Variants in SLC15A1 observed in about 807,000 individuals in gnomAD.
SLC15A1 encodes the protein Caco-2 oligopeptide transporter.
Under a neutral mutation model 92.9 loss-of-function variants are expected in SLC15A1, and 83 were observed. The observed-to-expected ratio is 0.89, with a 90% CI of 0.75 to 1.07. SLC15A1 has a LOEUF of 1.07. SLC15A1 is among the 50% of genes least tolerant of loss of function. The pLI, the probability that SLC15A1 is intolerant of heterozygous loss-of-function variation, is 0.00. For missense variants in SLC15A1, 857 were observed against 880.1 expected (o/e 0.97, Z 0.33); for synonymous variants, 322 against 318.2 (o/e 1.01, Z -0.13).
intron 18 of SLC15A1, among the ~76,000 whole-genome samples, chr13:98,693,874 A>G (rs1197653432): frequency 2.0e-5 from 3 of 152,246 alleles, no homozygotes; most frequent in African/African-American, 7.2e-5. Flanking sequence ...AGAGTCACAC[A>G]ATACTGGCTT....
intron 1 of SLC15A1, among the ~76,000 whole-genome samples, chr13:98,737,636 C>T (rs112559570): frequency 0.012 from 1,803 of 152,264 alleles, 21 homozygotes; most frequent in South Asian, 0.032. Flanking sequence ...TGCTGCCATG[C>T]TTCCTGTACA....
In SLC15A1 at chr13:98,684,758, A is replaced by T; in HGVS notation, c.2093T>A (p.Phe698Tyr). Residue 698 changes from phenylalanine (F) to tyrosine (Y), a missense_variant, in exon 23 of 23, where the codon TTC becomes TAC. Coordinates refer to ENST00000376503, the MANE Select transcript of SLC15A1 (RefSeq NM_005073.4). Reference protein sequence around the residue: ...KNRLEKSNPYFMSGANSQKQM With the variant: ...KNRLEKSNPYYMSGANSQKQM ...TTTCTGTGAATTGGCCCCTGACATG[A>T]AATATGGGTTACTCTTTTCCAGTCT... The T allele has an allele frequency of 6.2e-7, 1 of 1,613,902 alleles. No homozygotes were observed. The highest frequency in any genetic ancestry group is 8.5e-7 in the Non-Finnish European group (1 of 1,179,972).
intron 1 of SLC15A1, among the ~76,000 whole-genome samples, chr13:98,748,901 T>C (rs79530334): frequency 0.019 from 2,900 of 152,308 alleles, 98 homozygotes; most frequent in African/African-American, 0.066. Flanking sequence ...CCTGAGACTC[T>C]AGGCAAGAGG....
chr13:98,712,001 C>T (rs760823218), intron 10 of SLC15A1, 58 bp from the exon 11 acceptor site: 62 of 1,278,130 alleles, frequency 4.9e-5, no homozygotes, highest in Middle Eastern at 2.6e-4. Context: ...GTGCCACTCA[C>T]GGCTTACAGG....
At chr13:98,738,496 T>C (rs569268809) in intron 1 of SLC15A1, among the ~76,000 whole-genome samples, 63 of 152,382 alleles carry the variant, frequency 4.1e-4, no homozygotes, top group African/African-American at 1.3e-3. Context: ...CTCAGGACAC[T>C]GCTTCTTACA....
At chr13:98,742,524 G>A (rs756663793) in intron 1 of SLC15A1, among the ~76,000 whole-genome samples, 20 of 152,260 alleles carry the variant, frequency 1.3e-4, no homozygotes, top group African/African-American at 3.4e-4. Context: ...CTCAAACCGC[G>A]TGGCTTACAA....
intron 1 of SLC15A1, among the ~76,000 whole-genome samples, chr13:98,729,927 T>TA (rs1408565912): frequency 6.6e-6 from 1 of 151,912 alleles, no homozygotes; most frequent in East Asian, 2.0e-4. Context: ...TTTGCCCACT[T>TA]AAGAGCATTT....
chr13:98,721,739 C>T (rs549209715), intron 6 of SLC15A1, 65 bp downstream of exon 6: 58 of 1,476,330 alleles, frequency 3.9e-5, no homozygotes, highest in East Asian at 1.6e-4. Context: ...ACTTTGTGCC[C>T]GTGGCCTCTG....
At position 98,708,693 on chromosome 13, in the gene SLC15A1, T is replaced by C; in HGVS notation, c.1142A>G (p.Glu381Gly). 6.2e-7 allele frequency: 1 copy of C among 1,613,186 alleles called. No homozygotes were observed. Among genetic ancestry groups the C allele is most frequent in the Non-Finnish European group, 8.5e-7 (1 of 1,179,678 alleles). ...AFVVAAIVQV[E>G]IDKTLPVFPK... Reference sequence around the variant, plus strand: ...AACCAGGGGACAACTCACATCGATTTCCACCTGCACGATGGCAGCCACCAC... The same window carrying C: ...AACCAGGGGACAACTCACATCGATTCCCACCTGCACGATGGCAGCCACCAC... Residue 381 changes from glutamate to glycine, a missense_variant, in exon 15 of 23, where the codon GAA (glutamate) becomes GGA (glycine). Glu to Gly is a moderately conservative substitution (Grantham distance 98). Coordinates refer to ENST00000376503, the MANE Select transcript of SLC15A1 (RefSeq NM_005073.4).
Position 98,719,250 on chromosome 13 carries a change from C to T in SLC15A1, c.627G>A (p.Met209Ile), listed in dbSNP as rs768420060. 4.3e-6 allele frequency: 7 copies of T among 1,613,254 alleles called. No homozygotes were observed. The Admixed American group carries it at 1.2e-4, about 27-fold the overall frequency. Residue 209 changes from methionine to isoleucine, a missense_variant, in exon 8 of 23, where the codon ATG becomes ATA. By Grantham distance (10) the Met-to-Ile change is conservative. Transcript: ENST00000376503. Reference protein sequence around the residue: ...PLAFGVPAALMAVALIVFVLG... With the variant: ...PLAFGVPAALIAVALIVFVLG... ...ATTTCCACTTACTCAGGGCTACAGCCATGAGAGCAGCAGGAACCCCAAAGG... is the reference window on the plus strand; with the variant it reads ...ATTTCCACTTACTCAGGGCTACAGCTATGAGAGCAGCAGGAACCCCAAAGG...
chr13:98,704,253 T>C (rs1181651763), intron 17 of SLC15A1, 36 bp downstream of exon 17: 2 of 1,530,244 alleles, frequency 1.3e-6, no homozygotes, highest in Non-Finnish European at 1.7e-6. Flanking sequence ...GTATCACAAA[T>C]AGCAAAGAGT....
At chr13:98,724,879 T>C (rs2088286636) in intron 4 of SLC15A1, among the ~76,000 whole-genome samples, 4 of 152,224 alleles carry the variant, frequency 2.6e-5, no homozygotes, top group Admixed American at 2.0e-4. Flanking sequence ...GTAGTGATTC[T>C]TCTTTCTTCT....
intron 1 of SLC15A1, among the ~76,000 whole-genome samples, chr13:98,735,013 T>G (rs930536151): frequency 2.8e-4 from 42 of 152,212 alleles, no homozygotes; most frequent in African/African-American, 9.9e-4. Context: ...TACCAAAGTC[T>G]GGCAGAGACA....
At chr13:98,707,443 A>T (rs1040737515) in intron 15 of SLC15A1, among the ~76,000 whole-genome samples, 1 of 152,244 alleles carries the variant, frequency 6.6e-6, no homozygotes, top group Non-Finnish European at 1.5e-5. Flanking sequence ...GTGCTAGAGT[A>T]GTCAGATTCA....
chr13:98,738,091 G>T (rs1316112736), intron 1 of SLC15A1, among the ~76,000 whole-genome samples: 2 of 152,210 alleles, frequency 1.3e-5, no homozygotes, highest in East Asian at 1.9e-4. Flanking sequence ...TCTGGTAGAA[G>T]AAATTTCTAA....
At chr13:98,742,615 CA>C (rs200179023) in intron 1 of SLC15A1, among the ~76,000 whole-genome samples, 10,074 of 152,124 alleles carry the variant, frequency 0.066, 1,107 homozygotes, top group African/African-American at 0.23. Flanking sequence ...TCAGAGGACG[CA>C]AGGGAGAATC....
In SLC15A1 at chr13:98,708,681, C is replaced by G. The variant is rs149028587; in HGVS notation, c.1149+5G>C. ...AGGACATGGGAGAACCAGGGGACAACTCACATCGATTTCCACCTGCACGAT... is the reference window on the plus strand; with the variant it reads ...AGGACATGGGAGAACCAGGGGACAAGTCACATCGATTTCCACCTGCACGAT... On this transcript the variant is annotated splice_donor_5th_base_variant and intron_variant, in intron 15 of 22. Coordinates refer to ENST00000376503, the MANE Select transcript of SLC15A1 (RefSeq NM_005073.4). 258 of 1,612,284 alleles carry G rather than the reference C, an allele frequency of 1.6e-4. 5 individuals carry two copies. In the East Asian group the frequency reaches 5.4e-3, roughly 34 times the overall value.
intron 9 of SLC15A1, among the ~76,000 whole-genome samples, chr13:98,715,156 C>G (rs1287824059): frequency 6.6e-6 from 1 of 152,194 alleles, no homozygotes; most frequent in South Asian, 2.1e-4. Flanking sequence ...TCTGTGTTCA[C>G]TTTTTAAATA....
At chr13:98,751,948 C>G (rs1815070773) in intron 1 of SLC15A1, among the ~76,000 whole-genome samples, 2 of 152,250 alleles carry the variant, frequency 1.3e-5, no homozygotes, top group South Asian at 4.1e-4. Flanking sequence ...TTCATTCTCT[C>G]TGGGTCTGCC....
Sources: allele counts gnomAD v4.1 joint callset (sites outside exome capture counted in the v4.1 genomes callset), GRCh38; gene constraint gnomAD v4.1.1; transcripts MANE v1.5; gene names NCBI Gene and HGNC (gene_info 2026-07-23, HGNC 2026-07-21).